Variants in TBL1XR1 observed in about 807,000 individuals in gnomAD.
The protein encoded by TBL1XR1 is F-box-like/WD repeat-containing protein TBL1XR1.
Under a neutral mutation model 66.9 loss-of-function variants are expected in TBL1XR1, and 5 were observed. That is an observed-to-expected ratio of 0.07 (90% CI 0.04 to 0.16). The LOEUF is 0.16. Among genes scored for constraint, TBL1XR1 ranks in the 10% least tolerant of loss-of-function variants. The probability of loss-of-function intolerance (pLI) is 1.00; values close to 1 mark genes in which losing one functional copy is unlikely to be tolerated. For missense variants in TBL1XR1, 238 were observed against 623.2 expected (o/e 0.38, Z 6.58); for synonymous variants, 210 against 206.0 (o/e 1.02, Z -0.17).
chr3:177,047,189 A>T lies in TBL1XR1; in HGVS notation c.864+111T>A, dbSNP rs927250949. On this transcript the variant is annotated intron_variant, in intron 9 of 15. Transcript: ENST00000457928. ...AGGAGTATTTCTAGCATAAATTCCT[A>T]TGTGAATTTCCCAAATAGGAATGTT... The T allele has an allele frequency of 4.7e-6, 4 of 848,928 alleles. No homozygotes were observed. In the African/African-American group the frequency reaches 5.2e-5, roughly 11 times the overall value. 52.6% of individuals were successfully genotyped at this position (848,928 alleles called of 1,614,324 possible).
At position 177,169,497 on chromosome 3, in the gene TBL1XR1, T is replaced by G. The variant is rs974538509; in HGVS notation, c.-122+27624A>C. On this transcript the variant is annotated intron_variant, in intron 1 of 15. Transcript: ENST00000457928. ...ATGGCAGATACATGGAATAAGAAAC[T>G]ATTCAAAATAATGCTACCATATTAG... 4.3e-4 allele frequency among the ~76,000 whole-genome samples: 65 copies of G among 152,320 alleles called. 1 individual carries two copies. The highest frequency in any genetic ancestry group is 4.2e-3 in the Admixed American group (64 of 15,292).
At chr3:177,107,512 T>C (rs143418464) in intron 1 of TBL1XR1, among the ~76,000 whole-genome samples, 14 of 152,336 alleles carry the variant, frequency 9.2e-5, no homozygotes, top group Middle Eastern at 3.4e-3. Context: ...GTTTTTTTAG[T>C]GGAATATTCT....
At position 177,036,991 on chromosome 3, in the gene TBL1XR1, AGGAATCTGGT is replaced by A. The variant is rs545920168; in HGVS notation, c.1122+1097_1122+1106del. On this transcript the variant is annotated intron_variant, in intron 12 of 15. Coordinates refer to ENST00000457928, the MANE Select transcript of TBL1XR1 (RefSeq NM_024665.7). ...CTCCAAATGCTTTTTTCCCCAAATG[AGGAATCTGGT>A]GTGCTTAGGTGCGAGACAGCAGTTT... Among the ~76,000 whole-genome samples, 18 of 152,304 alleles carry A rather than the reference AGGAATCTGGT, an allele frequency of 1.2e-4. No individual in the cohort carries two copies. In the South Asian group the frequency reaches 3.7e-3, roughly 32 times the overall value.
intron 1 of TBL1XR1, among the ~76,000 whole-genome samples, chr3:177,118,944 C>CA (rs1440859272): frequency 2.6e-5 from 4 of 152,206 alleles, no homozygotes; most frequent in African/African-American, 7.2e-5. Context: ...CTCATAAAAA[C>CA]AAAGAAAAAC....
At chr3:177,198,031 C>T (rs1194207597), upstream of TBL1XR1, among the ~76,000 whole-genome samples, 1 of 151,576 alleles carries the variant, frequency 6.6e-6, no homozygotes, top group Non-Finnish European at 1.5e-5. Context: ...GGGGGCTGGG[C>T]GCACACGCGG....
At chr3:177,160,139 C>T (rs1732004750) in intron 1 of TBL1XR1, among the ~76,000 whole-genome samples, 1 of 151,970 alleles carries the variant, frequency 6.6e-6, no homozygotes. Context: ...AATTGAAGAG[C>T]TGTTGGAGGC....
intron 12 of TBL1XR1, among the ~76,000 whole-genome samples, 196 bp from the exon 13 acceptor site, chr3:177,034,521 A>G (rs936073174): frequency 8.5e-5 from 13 of 152,096 alleles, no homozygotes; most frequent in African/African-American, 3.1e-4. Context: ...TAAAAAAAAA[A>G]GTTAGCTTTA....
intron 1 of TBL1XR1, among the ~76,000 whole-genome samples, chr3:177,155,896 C>G (rs1731430742): frequency 6.6e-6 from 1 of 152,122 alleles, no homozygotes; most frequent in Non-Finnish European, 1.5e-5. Context: ...GTAATCCCAG[C>G]TACTCGGGAG....
chr3:177,074,521 G>A (rs1213798339), intron 2 of TBL1XR1, among the ~76,000 whole-genome samples: 3 of 151,960 alleles, frequency 2.0e-5, no homozygotes, highest in Non-Finnish European at 4.4e-5. Flanking sequence ...CCTCAAAATC[G>A]GGCACTATTT....
intron 1 of TBL1XR1, among the ~76,000 whole-genome samples, chr3:177,112,859 C>G (rs931868647): frequency 6.6e-6 from 1 of 151,880 alleles, no homozygotes; most frequent in Non-Finnish European, 1.5e-5. Context: ...AAAAATTAGT[C>G]GGGCGTGGTA....
intron 1 of TBL1XR1, among the ~76,000 whole-genome samples, chr3:177,185,906 G>A (rs959117162): frequency 3.3e-5 from 5 of 152,092 alleles, no homozygotes; most frequent in Admixed American, 1.3e-4. Flanking sequence ...ACCTACTCAG[G>A]AGGCTGAGGT....
intron 2 of TBL1XR1, among the ~76,000 whole-genome samples, chr3:177,091,391 T>C (rs1169526728): frequency 6.6e-6 from 1 of 152,114 alleles, no homozygotes; most frequent in Non-Finnish European, 1.5e-5. Flanking sequence ...TATGTTTACA[T>C]ATTAACTATT....
intron 1 of TBL1XR1, among the ~76,000 whole-genome samples, chr3:177,153,188 T>G (rs1731098239): frequency 6.6e-6 from 1 of 152,076 alleles, no homozygotes; most frequent in Non-Finnish European, 1.5e-5. Context: ...AACACATAAT[T>G]CTATACTCAG....
At chr3:177,049,844 GGA>G (rs1250035668) in intron 7 of TBL1XR1, among the ~76,000 whole-genome samples, 151 bp downstream of exon 7, 1 of 151,682 alleles carries the variant, frequency 6.6e-6, no homozygotes, top group Non-Finnish European at 1.5e-5. Flanking sequence ...CCACAGTGGG[GGA>G]GAGGGCTGGC....
At chr3:177,105,069 T>C (rs1577180325) in intron 1 of TBL1XR1, among the ~76,000 whole-genome samples, 1 of 152,316 alleles carries the variant, frequency 6.6e-6, no homozygotes, top group Non-Finnish European at 1.5e-5. Flanking sequence ...CCTTCAGTGA[T>C]AGGGATTTTG....
At chr3:177,034,098 A>T in intron 13 of TBL1XR1, 100 bp downstream of exon 13, 1 of 1,290,454 alleles carries the variant, frequency 7.7e-7, no homozygotes, top group East Asian at 2.5e-5. Context: ...AAAAAAAAAA[A>T]GTTTCCACTT....
chr3:177,066,715 T>G (rs1001680982), intron 2 of TBL1XR1, among the ~76,000 whole-genome samples: 2 of 151,744 alleles, frequency 1.3e-5, no homozygotes, highest in Admixed American at 6.6e-5. Context: ...AACACTGGGG[T>G]TCCAAAAATA....
chr3:177,119,591 G>C (rs569533319), intron 1 of TBL1XR1, among the ~76,000 whole-genome samples: 276 of 152,290 alleles, frequency 1.8e-3, no homozygotes, highest in African/African-American at 6.6e-3. Context: ...GAAATTTGCT[G>C]AACAAACAGT....
intron 1 of TBL1XR1, among the ~76,000 whole-genome samples, chr3:177,183,345 T>G (rs909486035): frequency 6.6e-6 from 1 of 152,204 alleles, no homozygotes; most frequent in African/African-American, 2.4e-5. Flanking sequence ...CCTTCAGTTA[T>G]TTCTGCATGT....
Sources: allele counts gnomAD v4.1 joint callset (sites outside exome capture counted in the v4.1 genomes callset), GRCh38; gene constraint gnomAD v4.1.1; transcripts MANE v1.5; gene names NCBI Gene and HGNC (gene_info 2026-07-23, HGNC 2026-07-21).